Variants in BANF2 observed in about 807,000 individuals in gnomAD.
BANF2 encodes the protein BANF family member 2, also known as barrier-to-autointegration factor-like protein.
In BANF2, 4 loss-of-function variants were observed where a neutral mutation model predicts 8.0. That is an observed-to-expected ratio of 0.50 (90% CI 0.25 to 1.14). BANF2 has a LOEUF of 1.14. Ranked by LOEUF, BANF2 falls within the 50% of genes most tolerant of loss-of-function variation. The pLI is 0.16. For synonymous variants in BANF2, 50 were observed against 40.6 expected (o/e 1.23, Z -0.88); for missense variants, 96 against 107.5 (o/e 0.89, Z 0.47).
At chr20:17,728,389 G>T (rs987856609) in intron 3 of BANF2, among the ~76,000 whole-genome samples, 3 of 152,154 alleles carry the variant, frequency 2.0e-5, no homozygotes, top group Non-Finnish European at 4.4e-5. Flanking sequence ...AGACCCAAGG[G>T]TGCTGGATGC....
At position 17,722,850 on chromosome 20, in the gene BANF2, G is replaced by A. The variant is rs184901036; in HGVS notation, c.-32G>A. ...AAAACGTCCTTCAGAGCAAGAAGGC[G>A]TACACGAGGAGCTCGACTCTGTAGA... On this transcript the variant is annotated 5_prime_UTR_variant, in exon 2 of 4. Coordinates refer to ENST00000246090, the MANE Select transcript of BANF2 (RefSeq NM_178477.5). The A allele has an allele frequency of 3.3e-4, 327 of 985,440 alleles. 1 individual carries two copies. The highest frequency in any genetic ancestry group is 1.5e-3 in the Admixed American group (25 of 16,288). 61.0% of individuals were successfully genotyped at this position (985,440 alleles called of 1,614,324 possible). A position where few individuals can be genotyped will look rare whatever the true frequency, so the allele number is the denominator to read the frequency against.
In BANF2 at chr20:17,729,312, G is replaced by C. The variant is rs116712567; in HGVS notation, c.126+4161G>C. Among the ~76,000 whole-genome samples the C allele has an allele frequency of 4.8e-3, 727 of 152,206 alleles. 6 individuals are homozygous for C. Among genetic ancestry groups the C allele is most frequent in the African/African-American group, 0.017 (709 of 41,518 alleles). On this transcript the variant is annotated intron_variant, in intron 3 of 3. Coordinates refer to ENST00000246090, the MANE Select transcript of BANF2 (RefSeq NM_178477.5). Reference sequence around the variant, plus strand: ...TGGAGCCTCTCTTGAAATGGGTTTTGAACCCCTTCAAGACCCTACTCACAG... The same window carrying C: ...TGGAGCCTCTCTTGAAATGGGTTTTCAACCCCTTCAAGACCCTACTCACAG...
intron 1 of BANF2, among the ~76,000 whole-genome samples, chr20:17,721,453 G>A (rs539442971): frequency 4.1e-4 from 61 of 150,522 alleles, no homozygotes; most frequent in African/African-American, 1.4e-3. Context: ...GTGCAGTGGC[G>A]CAATCTCAGC....
chr20:17,732,228 G>A (rs1194279205), intron 3 of BANF2, among the ~76,000 whole-genome samples: 1 of 152,242 alleles, frequency 6.6e-6, no homozygotes, highest in Non-Finnish European at 1.5e-5. Context: ...CCTGGCATAG[G>A]CTCAAACTGC....
intron 3 of BANF2, among the ~76,000 whole-genome samples, chr20:17,730,255 G>A (rs2037872452): frequency 1.3e-5 from 2 of 152,176 alleles, no homozygotes; most frequent in Non-Finnish European, 2.9e-5. Context: ...GAGACGCATA[G>A]AGACCACATG....
chr20:17,712,738 C>T (rs925203632), intron 1 of BANF2, among the ~76,000 whole-genome samples: 6 of 152,200 alleles, frequency 3.9e-5, no homozygotes, highest in Admixed American at 2.0e-4. Context: ...TTCCCCTTCT[C>T]TGTGGGGTAA....
chr20:17,713,691 C>T (rs1292073736), intron 1 of BANF2, among the ~76,000 whole-genome samples: 2 of 151,392 alleles, frequency 1.3e-5, no homozygotes, highest in East Asian at 2.0e-4. Flanking sequence ...AAAAATTACC[C>T]GGGTGTGGTG....
chr20:17,731,759 GAAA>G lies in BANF2; in HGVS notation c.127-3886_127-3884del, dbSNP rs58645809. ...GACGGAATGAGATCCCGTCTCTTAG[GAAA>G]AAAAAAAAAAAAAAAAAAAGTAGGC... On this transcript the variant is annotated intron_variant, in intron 3 of 3. Coordinates refer to ENST00000246090, the MANE Select transcript of BANF2 (RefSeq NM_178477.5). Among the ~76,000 whole-genome samples, 84 of 95,030 alleles carry G rather than the reference GAAA, an allele frequency of 8.8e-4. 1 individual carries two copies. Among genetic ancestry groups the G allele is most frequent in the South Asian group, 1.9e-3 (5 of 2,622 alleles). 62.3% of individuals were successfully genotyped at this position (95,030 alleles called of 152,430 possible).
At chr20:17,695,994 A>G (rs915780907), upstream of BANF2, among the ~76,000 whole-genome samples, 1 of 152,236 alleles carries the variant, frequency 6.6e-6, no homozygotes, top group African/African-American at 2.4e-5. Context: ...GTCATCATAT[A>G]TGCATCAAGA....
chr20:17,703,614 G>C (rs1158300339), intron 1 of BANF2, among the ~76,000 whole-genome samples: 1 of 152,224 alleles, frequency 6.6e-6, no homozygotes, highest in Non-Finnish European at 1.5e-5. Context: ...TGGGGGCTAG[G>C]CTGGACAGGG....
At chr20:17,709,535 C>T (rs1382772198) in intron 1 of BANF2, among the ~76,000 whole-genome samples, 1 of 152,188 alleles carries the variant, frequency 6.6e-6, no homozygotes, top group South Asian at 2.1e-4. Context: ...TCCACCTGTA[C>T]ACAAGATGCC....
chr20:17,724,897 G>GA (rs1279033258), intron 2 of BANF2, 126 bp from the exon 3 acceptor site: 2 of 994,050 alleles, frequency 2.0e-6, no homozygotes, highest in Admixed American at 5.2e-5. Context: ...AATGCTGGAT[G>GA]ATGGAAGGAA....
chr20:17,695,014 C>T (rs1447818689), upstream of BANF2, among the ~76,000 whole-genome samples: 3 of 152,210 alleles, frequency 2.0e-5, no homozygotes, highest in Admixed American at 2.0e-4. Flanking sequence ...AAGTAACTTC[C>T]TTTAGGTCAT....
At chr20:17,706,136 C>T (rs73264789) in intron 1 of BANF2, among the ~76,000 whole-genome samples, 229 of 152,264 alleles carry the variant, frequency 1.5e-3, no homozygotes, top group African/African-American at 4.8e-3. Context: ...TGGCCAAATC[C>T]GGAGAGTCAG....
intron 1 of BANF2, among the ~76,000 whole-genome samples, chr20:17,711,042 C>G (rs1427727393): frequency 2.0e-5 from 3 of 152,240 alleles, no homozygotes; most frequent in Non-Finnish European, 4.4e-5. Flanking sequence ...CTGTGAAATA[C>G]TTGGGCCATA....
In BANF2 at chr20:17,728,158, C is replaced by T. The variant is rs117755782; in HGVS notation, c.126+3007C>T. 7.7e-4 allele frequency among the ~76,000 whole-genome samples: 117 copies of T among 152,266 alleles called. 1 individual carries two copies. In the East Asian group the frequency reaches 0.019, roughly 25 times the overall value. ...GCAGCCATCACCCTCCCCTGCTCCC[C>T]GTCCCACCCCAGGCTGGGGCTCAGC... On this transcript the variant is annotated intron_variant, in intron 3 of 3. Transcript: ENST00000246090.
intron 3 of BANF2, among the ~76,000 whole-genome samples, chr20:17,728,294 C>A (rs1233024274): frequency 1.3e-5 from 2 of 152,204 alleles, no homozygotes; most frequent in Non-Finnish European, 2.9e-5. Flanking sequence ...TGCACCCTCT[C>A]TGTGCACCTG....
chr20:17,711,610 T>C (rs2037574802), intron 1 of BANF2, among the ~76,000 whole-genome samples: 1 of 152,150 alleles, frequency 6.6e-6, no homozygotes, highest in Admixed American at 6.5e-5. Context: ...GCCGGAATGG[T>C]ACCAGGGAGT....
chr20:17,730,763 C>T (rs895297432), intron 3 of BANF2, among the ~76,000 whole-genome samples: 1 of 152,262 alleles, frequency 6.6e-6, no homozygotes, highest in Non-Finnish European at 1.5e-5. Context: ...CAACTCCTTT[C>T]TGTCCACTCT....
Sources: gnomAD v4.1 joint callset for allele counts (sites outside exome capture counted in the v4.1 genomes callset) on GRCh38, gnomAD v4.1.1 for gene constraint, MANE v1.5 for transcripts, NCBI Gene and HGNC (gene_info 2026-07-23, HGNC 2026-07-21) for gene names.